The following KCNMA1 variants were observed in gnomAD, a reference collection of about 807,000 sequenced individuals.
KCNMA1 encodes the protein Calcium-activated potassium channel subunit alpha-1.
A neutral mutation model predicts 140.0 loss-of-function variants in KCNMA1; 29 were observed. The ratio of observed to expected loss-of-function variants is 0.21; its 90% CI spans 0.15 to 0.28. The LOEUF (loss-of-function observed/expected upper bound fraction) is 0.28. Among genes scored for constraint, KCNMA1 ranks in the 10% least tolerant of loss-of-function variants. The probability of loss-of-function intolerance (pLI) is 1.00; values close to 1 mark genes in which losing one functional copy is unlikely to be tolerated. For synonymous variants in KCNMA1, 612 were observed against 611.9 expected (o/e 1.00, Z 0.00); for missense variants, 880 against 1,602.2 (o/e 0.55, Z 7.70).
intron 1 of KCNMA1, among the ~76,000 whole-genome samples, chr10:77,425,691 C>T (rs2096970791): frequency 6.6e-6 from 1 of 152,156 alleles, no homozygotes; most frequent in Admixed American, 6.5e-5. Context: ...TACTCAGCTC[C>T]CCAAGGCTGA....
In KCNMA1 at chr10:77,637,284, T is replaced by C; in HGVS notation, c.359A>G (p.His120Arg). 1 of 1,609,054 alleles carries C rather than the reference T, an allele frequency of 6.2e-7. No homozygotes were observed. Among genetic ancestry groups the C allele is most frequent in the Non-Finnish European group, 8.5e-7 (1 of 1,176,792 alleles). The change falls in exon 1 of 28, where the codon CAC (histidine) becomes CGC (arginine). Residue 120 changes from histidine to arginine, a missense_variant. Coordinates refer to ENST00000286628, the MANE Select transcript of KCNMA1 (RefSeq NM_001161352.2). ...TLKYLWTVCCHCGGKTKEAQK... is the reference protein window; with the variant it reads ...TLKYLWTVCCRCGGKTKEAQK... ...CGTTACCTTCGTCTTGCCCCCGCAG[T>C]GGCAGCACACGGTCCACAGGTACTT...
intron 24 of KCNMA1, chr10:76,912,638 G>C (rs2050829237): frequency 6.6e-6 from 1 of 152,164 alleles, no homozygotes; most frequent in African/African-American, 2.4e-5. Flanking sequence ...TCAAATACCA[G>C]AATTGTTGCC....
At chr10:77,095,066 A>G (rs1326037039) in intron 9 of KCNMA1, among the ~76,000 whole-genome samples, 1 of 152,196 alleles carries the variant, frequency 6.6e-6, no homozygotes, top group Non-Finnish European at 1.5e-5. Flanking sequence ...AATCTAGAAG[A>G]TAATAAGAAT....
chr10:77,464,405 C>T (rs1327476416), intron 1 of KCNMA1, among the ~76,000 whole-genome samples: 2 of 151,988 alleles, frequency 1.3e-5, no homozygotes, highest in African/African-American at 4.8e-5. Flanking sequence ...GGACACACTG[C>T]AGTCAGGAAG....
At chr10:77,303,690 T>G (rs1261341412) in intron 2 of KCNMA1, among the ~76,000 whole-genome samples, 1 of 152,132 alleles carries the variant, frequency 6.6e-6, no homozygotes, top group African/African-American at 2.4e-5. Flanking sequence ...ACCCTGAGTG[T>G]GACCTGCAGA....
chr10:77,522,629 G>T (rs2053881449), intron 1 of KCNMA1, among the ~76,000 whole-genome samples: 1 of 152,196 alleles, frequency 6.6e-6, no homozygotes. Context: ...CGGATACAGG[G>T]AAGCAGAGTT....
At chr10:77,320,980 A>T (rs1469144905) in intron 2 of KCNMA1, among the ~76,000 whole-genome samples, 1 of 152,208 alleles carries the variant, frequency 6.6e-6, no homozygotes, top group Non-Finnish European at 1.5e-5. Context: ...TCAGTGGTTC[A>T]TCTCCCTCAT....
At chr10:76,976,207 T>C (rs945969439) in intron 19 of KCNMA1, among the ~76,000 whole-genome samples, 5 of 152,166 alleles carry the variant, frequency 3.3e-5, no homozygotes, top group African/African-American at 1.2e-4. Context: ...CACCCCATGG[T>C]AGGCTGCCAG....
At chr10:77,185,916 T>C (rs1445811710) in intron 3 of KCNMA1, among the ~76,000 whole-genome samples, 1 of 151,502 alleles carries the variant, frequency 6.6e-6, no homozygotes, top group Non-Finnish European at 1.5e-5. Flanking sequence ...TGAAGTGAGG[T>C]GAGGGAAAGG....
intron 2 of KCNMA1, among the ~76,000 whole-genome samples, chr10:77,353,454 T>C (rs1221993474): frequency 6.6e-6 from 1 of 152,084 alleles, no homozygotes; most frequent in Admixed American, 6.6e-5. Flanking sequence ...CTAAGATTTA[T>C]TCAGTGTCTG....
chr10:77,006,220 A>G (rs2153430351), intron 18 of KCNMA1, among the ~76,000 whole-genome samples: 1 of 152,286 alleles, frequency 6.6e-6, no homozygotes, highest in Non-Finnish European at 1.5e-5. Flanking sequence ...GCCCAGGTGG[A>G]GTTTTCCAAC....
intron 14 of KCNMA1, among the ~76,000 whole-genome samples, chr10:77,049,331 A>G (rs2209666): frequency 0.18 from 27,710 of 152,204 alleles, 3,043 homozygotes; most frequent in Middle Eastern, 0.26. Flanking sequence ...TAATGGGAAT[A>G]GTAACTGCAC....
intron 1 of KCNMA1, among the ~76,000 whole-genome samples, chr10:77,503,304 T>A (rs1014237725): frequency 6.6e-6 from 1 of 152,132 alleles, no homozygotes; most frequent in African/African-American, 2.4e-5. Context: ...CATTTTGGAT[T>A]TTTTTTCTTT....
intron 1 of KCNMA1, among the ~76,000 whole-genome samples, chr10:77,597,064 CT>C (rs1156349649): frequency 4.6e-5 from 7 of 152,122 alleles, no homozygotes; most frequent in African/African-American, 1.7e-4. Flanking sequence ...CACCTTTTGA[CT>C]TAGGAATTCC....
At chr10:77,615,316 C>A (rs546447989) in intron 1 of KCNMA1, among the ~76,000 whole-genome samples, 1 of 152,334 alleles carries the variant, frequency 6.6e-6, no homozygotes, top group Admixed American at 6.5e-5. Context: ...GCTCTGGCTA[C>A]CAGGCTTCTA....
intron 1 of KCNMA1, among the ~76,000 whole-genome samples, chr10:77,519,429 G>A (rs1333268308): frequency 6.6e-6 from 1 of 152,180 alleles, no homozygotes; most frequent in African/African-American, 2.4e-5. Context: ...AGCTGTGTTT[G>A]AAGGCCAGCC....
At chr10:77,453,723 A>G (rs1318753358) in intron 1 of KCNMA1, among the ~76,000 whole-genome samples, 2 of 152,234 alleles carry the variant, frequency 1.3e-5, no homozygotes, top group Non-Finnish European at 2.9e-5. Flanking sequence ...AGAACTGCCC[A>G]GTGAATACTT....
intron 5 of KCNMA1, among the ~76,000 whole-genome samples, chr10:77,130,456 G>A (rs1399243506): frequency 6.6e-6 from 1 of 152,162 alleles, no homozygotes; most frequent in Non-Finnish European, 1.5e-5. Flanking sequence ...TTTATGATGG[G>A]TTTGTGAGGA....
At chr10:77,436,788 C>T (rs569589225) in intron 1 of KCNMA1, among the ~76,000 whole-genome samples, 1 of 152,246 alleles carries the variant, frequency 6.6e-6, no homozygotes, top group East Asian at 1.9e-4. Context: ...TATTTATTGA[C>T]ATGAATATAC....
Sources: gnomAD v4.1 joint callset for allele counts (sites outside exome capture counted in the v4.1 genomes callset) on GRCh38, gnomAD v4.1.1 for gene constraint, MANE v1.5 for transcripts, NCBI Gene and HGNC (gene_info 2026-07-23, HGNC 2026-07-21) for gene names.